The following LRMDA variants were observed in gnomAD, a reference collection of about 807,000 sequenced individuals.
LRMDA encodes leucine-rich melanocyte differentiation-associated protein.
Under a neutral mutation model 29.8 loss-of-function variants are expected in LRMDA, and 18 were observed. The observed-to-expected ratio is 0.60, with a 90% CI of 0.42 to 0.90. The LOEUF (loss-of-function observed/expected upper bound fraction) is 0.90, where lower values mean the gene tolerates loss of function less well. Ranked by LOEUF, LRMDA falls within the 40% of genes least tolerant of loss-of-function variation. LRMDA has a pLI of 0.00. For synonymous variants in LRMDA, 125 were observed against 109.4 expected (o/e 1.14, Z -0.89); for missense variants, 273 against 273.9 (o/e 1.00, Z 0.02).
At chr10:75,641,710 G>C (rs1841455986) in intron 2 of LRMDA, among the ~76,000 whole-genome samples, 1 of 152,030 alleles carries the variant, frequency 6.6e-6, no homozygotes, top group Admixed American at 6.6e-5. Context: ...AAAATGCTCA[G>C]ATTACAGGTG....
chr10:76,299,838 A>G (rs937731045), intron 5 of LRMDA, among the ~76,000 whole-genome samples: 1 of 152,170 alleles, frequency 6.6e-6, no homozygotes, highest in Non-Finnish European at 1.5e-5. Context: ...CATTGTACAA[A>G]GAAATGGAGG....
intron 6 of LRMDA, among the ~76,000 whole-genome samples, chr10:76,372,636 T>TAAAATAAAATAA (rs1424233316): frequency 2.0e-5 from 3 of 151,732 alleles, no homozygotes; most frequent in African/African-American, 4.8e-5. Context: ...AAATAAAAAA[T>TAAAATAAAATAA]AAAATAAAAT....
intron 2 of LRMDA, among the ~76,000 whole-genome samples, chr10:75,483,594 AC>A (rs1032531989): frequency 6.6e-6 from 1 of 152,214 alleles, no homozygotes; most frequent in African/African-American, 2.4e-5. Flanking sequence ...GCATTGTGAA[AC>A]GTGCTTTGCA....
At chr10:75,702,586 T>A (rs1842321926) in intron 2 of LRMDA, among the ~76,000 whole-genome samples, 1 of 152,230 alleles carries the variant, frequency 6.6e-6, no homozygotes, top group East Asian at 1.9e-4. Flanking sequence ...ATGGGATAGA[T>A]CATACATCAG....
At chr10:76,348,978 A>C (rs1413490969) in intron 6 of LRMDA, among the ~76,000 whole-genome samples, 1 of 152,188 alleles carries the variant, frequency 6.6e-6, no homozygotes, top group Non-Finnish European at 1.5e-5. Flanking sequence ...AGCCGTGTTG[A>C]GGAGGTCAAA....
chr10:76,233,796 G>A (rs1355038368), intron 5 of LRMDA, among the ~76,000 whole-genome samples: 1 of 152,188 alleles, frequency 6.6e-6, no homozygotes, highest in African/African-American at 2.4e-5. Flanking sequence ...TGAAGTTGCA[G>A]CAATTCAGTC....
At chr10:75,842,010 C>A (rs144208257) in intron 2 of LRMDA, among the ~76,000 whole-genome samples, 1 of 152,164 alleles carries the variant, frequency 6.6e-6, no homozygotes, top group South Asian at 2.1e-4. Context: ...ATTTAGATAT[C>A]CACGTTTTTC....
chr10:75,730,782 A>G (rs1285629189), intron 2 of LRMDA, among the ~76,000 whole-genome samples: 1 of 151,972 alleles, frequency 6.6e-6, no homozygotes, highest in Non-Finnish European at 1.5e-5. Context: ...ATGGATCTTA[A>G]GCCTTGAACC....
chr10:75,438,545 TGG>T (rs1844288868), intron 2 of LRMDA, 51 bp downstream of exon 2: 1 of 1,419,616 alleles, frequency 7.0e-7, no homozygotes, highest in Admixed American at 2.0e-5. Flanking sequence ...CCAGTCCTCC[TGG>T]GTACTTTAGG....
chr10:76,117,260 G>C (rs1337395033), intron 5 of LRMDA, among the ~76,000 whole-genome samples: 4 of 152,148 alleles, frequency 2.6e-5, no homozygotes, highest in Admixed American at 1.3e-4. Flanking sequence ...ACTAAATTGT[G>C]TCAGTGAGGG....
chr10:76,120,339 C>G (rs957083966), intron 5 of LRMDA, among the ~76,000 whole-genome samples: 1 of 151,962 alleles, frequency 6.6e-6, no homozygotes, highest in Non-Finnish European at 1.5e-5. Flanking sequence ...CAGGTTTGTG[C>G]CACCACACCG....
chr10:76,111,892 T>C (rs1849584651), intron 5 of LRMDA, among the ~76,000 whole-genome samples: 2 of 152,130 alleles, frequency 1.3e-5, no homozygotes, highest in Admixed American at 1.3e-4. Context: ...GGAGCGTAGG[T>C]GACGCCAACG....
At chr10:75,934,115 A>G (rs559988237) in intron 2 of LRMDA, among the ~76,000 whole-genome samples, 5 of 152,330 alleles carry the variant, frequency 3.3e-5, no homozygotes, top group African/African-American at 1.2e-4. Context: ...CAAAATGTGC[A>G]TGGGTCCTGG....
intron 2 of LRMDA, among the ~76,000 whole-genome samples, chr10:75,879,950 GCTT>G (rs1845266739): frequency 6.6e-6 from 1 of 152,058 alleles, no homozygotes; most frequent in African/African-American, 2.4e-5. Context: ...GGTATGATTA[GCTT>G]CTTCTACACA....
At chr10:76,212,414 AT>A (rs956083391) in intron 5 of LRMDA, among the ~76,000 whole-genome samples, 1 of 151,892 alleles carries the variant, frequency 6.6e-6, no homozygotes, top group Non-Finnish European at 1.5e-5. Flanking sequence ...CACTCAAAAG[AT>A]TTTTTTTCTA....
intron 5 of LRMDA, among the ~76,000 whole-genome samples, chr10:76,288,759 A>G (rs1300523190): frequency 6.6e-6 from 1 of 152,176 alleles, no homozygotes; most frequent in Non-Finnish European, 1.5e-5. Flanking sequence ...TAGTTACTAC[A>G]ATATAAGGAG....
chr10:75,946,083 A>G (rs1482013731), intron 2 of LRMDA, among the ~76,000 whole-genome samples: 1 of 152,180 alleles, frequency 6.6e-6, no homozygotes, highest in Non-Finnish European at 1.5e-5. Context: ...AACCCCTGCA[A>G]AGAGTGGGAA....
At chr10:76,236,545 T>A (rs1475396339) in intron 5 of LRMDA, among the ~76,000 whole-genome samples, 1 of 152,186 alleles carries the variant, frequency 6.6e-6, no homozygotes, top group Non-Finnish European at 1.5e-5. Context: ...CTTTAACCAA[T>A]CAATGGTCTC....
intron 2 of LRMDA, among the ~76,000 whole-genome samples, chr10:75,516,636 C>T (rs1191120060): frequency 6.6e-6 from 1 of 151,942 alleles, no homozygotes; most frequent in Non-Finnish European, 1.5e-5. Flanking sequence ...GAAATTTTCT[C>T]CCATTCTATA....
Sources: gnomAD v4.1 joint callset for allele counts (sites outside exome capture counted in the v4.1 genomes callset) on GRCh38, gnomAD v4.1.1 for gene constraint, MANE v1.5 for transcripts, NCBI Gene and HGNC (gene_info 2026-07-23, HGNC 2026-07-21) for gene names.